Variants in GSG1L observed in about 807,000 individuals in gnomAD.
GSG1L encodes GSG1 like, also known as germ cell-specific gene 1-like protein.
In GSG1L, 24 loss-of-function variants were observed where a neutral mutation model predicts 42.1. That is an observed-to-expected ratio of 0.57 (90% confidence interval 0.41 to 0.80). The LOEUF (loss-of-function observed/expected upper bound fraction) is 0.80, where lower values mean the gene tolerates loss of function less well. Among genes scored for constraint, GSG1L ranks in the 30% least tolerant of loss-of-function variants. The pLI, the probability that GSG1L is intolerant of heterozygous loss-of-function variation, is 0.00. For synonymous variants in GSG1L, 215 were observed against 203.5 expected (o/e 1.06, Z -0.48); for missense variants, 445 against 472.2 (o/e 0.94, Z 0.53).
intron 1 of GSG1L, among the ~76,000 whole-genome samples, chr16:28,005,557 C>T (rs1453001938): frequency 6.6e-6 from 1 of 151,664 alleles, no homozygotes; most frequent in Non-Finnish European, 1.5e-5. Flanking sequence ...TCTATAAAAA[C>T]GTTCGCTCCA....
At chr16:28,010,546 G>A (rs1179729750) in intron 1 of GSG1L, among the ~76,000 whole-genome samples, 2 of 152,160 alleles carry the variant, frequency 1.3e-5, no homozygotes, top group Non-Finnish European at 1.5e-5. Context: ...GTGCCACCGT[G>A]CCAAGGCCAT....
At chr16:28,031,084 G>T (rs1249531273) in intron 1 of GSG1L, among the ~76,000 whole-genome samples, 1 of 148,574 alleles carries the variant, frequency 6.7e-6, no homozygotes, top group Non-Finnish European at 1.5e-5. Flanking sequence ...TATGGGCTGA[G>T]TTGGGATGGG....
rs867724364 is a variant in GSG1L at position 27,949,611 on chromosome 16, C to A, written c.397+13545G>T. Reference sequence around the variant, plus strand: ...CTCCAGCCTGGACGATAGAGTGAGACCCCATCTCTAAAAAATAAAAAGGAA... The same window carrying A: ...CTCCAGCCTGGACGATAGAGTGAGAACCCATCTCTAAAAAATAAAAAGGAA... On this transcript the variant is annotated intron_variant, in intron 2 of 6. Transcript: ENST00000447459. Among the ~76,000 whole-genome samples the A allele has an allele frequency of 5.3e-5, 8 of 152,084 alleles. No individual in the cohort carries two copies. The Middle Eastern group carries it at 0.017, about 323-fold the overall frequency.
chr16:28,063,290 G>A lies in GSG1L; in HGVS notation c.135C>T (p.Gly45=). Reference sequence around the variant, plus strand: ...TGGGGCAGTTGGCGCGCCCGCCCTGGCCGCAGCCCGGCTTGGGGACCCGCT... The same window carrying A: ...TGGGGCAGTTGGCGCGCCCGCCCTGACCGCAGCCCGGCTTGGGGACCCGCT... ...GTQRVPKPGC[G]QGGRANCPNS... Residue 45 remains glycine, a synonymous_variant, in exon 1 of 7, where the codon GGC becomes GGT. Coordinates refer to ENST00000447459, the MANE Select transcript of GSG1L (RefSeq NM_001109763.2). This position sits in a 1 kb window ranked among gnomAD's most constrained non-coding sequence, Gnocchi z 5.8. The A allele has an allele frequency of 7.3e-7, 1 of 1,375,576 alleles. No individual in the cohort carries two copies. Among genetic ancestry groups the A allele is most frequent in the South Asian group, 1.4e-5 (1 of 70,582 alleles). 85.2% of individuals were successfully genotyped at this position (1,375,576 alleles called of 1,614,324 possible). A position where few individuals can be genotyped will look rare whatever the true frequency, so the allele number is the denominator to read the frequency against.
At chr16:27,853,629 A>G (rs750812391) in intron 3 of GSG1L, among the ~76,000 whole-genome samples, 4 of 152,182 alleles carry the variant, frequency 2.6e-5, no homozygotes, top group Non-Finnish European at 5.9e-5. Flanking sequence ...TTAGATTACC[A>G]GAGTCATTAG....
chr16:27,986,911 C>A (rs1409310306), intron 1 of GSG1L, among the ~76,000 whole-genome samples: 1 of 152,244 alleles, frequency 6.6e-6, no homozygotes, highest in Non-Finnish European at 1.5e-5. Flanking sequence ...TAGAAGCTAA[C>A]CATCTAAAAT....
chr16:27,849,197 CAAAAAGAAAAAA>C (rs1290484491), intron 3 of GSG1L, among the ~76,000 whole-genome samples: 6 of 113,630 alleles, frequency 5.3e-5, no homozygotes, highest in Admixed American at 8.9e-5. Flanking sequence ...GCCTCTATCC[CAAAAAGAAAAAA>C]AAAAAAAAAA....
chr16:27,871,964 G>C (rs532412692), intron 3 of GSG1L, among the ~76,000 whole-genome samples: 1 of 152,310 alleles, frequency 6.6e-6, no homozygotes, highest in East Asian at 1.9e-4. Flanking sequence ...AAGCTATGCT[G>C]ATGGTTACTA....
intron 3 of GSG1L, among the ~76,000 whole-genome samples, chr16:27,878,295 G>A (rs2083911519): frequency 6.6e-6 from 1 of 152,146 alleles, no homozygotes; most frequent in African/African-American, 2.4e-5. Flanking sequence ...TGGCTTGGGA[G>A]GCCTCAGGAA....
At chr16:27,851,523 C>T (rs1193479446) in intron 3 of GSG1L, among the ~76,000 whole-genome samples, 1 of 152,110 alleles carries the variant, frequency 6.6e-6, no homozygotes, top group Non-Finnish European at 1.5e-5. Flanking sequence ...AGATTCACCC[C>T]CCTTCTCTCC....
At chr16:27,969,643 T>C (rs1466295500) in intron 1 of GSG1L, among the ~76,000 whole-genome samples, 1 of 152,238 alleles carries the variant, frequency 6.6e-6, no homozygotes, top group Non-Finnish European at 1.5e-5. Flanking sequence ...TTGAATTTGT[T>C]TCCACATTTT....
At chr16:27,974,015 C>G (rs1031351465) in intron 1 of GSG1L, among the ~76,000 whole-genome samples, 9 of 152,148 alleles carry the variant, frequency 5.9e-5, no homozygotes, top group Non-Finnish European at 1.3e-4. Context: ...TCCCATTACC[C>G]CCTCCCCATC....
intron 3 of GSG1L, among the ~76,000 whole-genome samples, chr16:27,847,297 C>T (rs1265670833): frequency 6.6e-6 from 1 of 152,152 alleles, no homozygotes; most frequent in African/African-American, 2.4e-5. Context: ...GGGTATGGTT[C>T]CTCCAGGCCC....
intron 6 of GSG1L, among the ~76,000 whole-genome samples, chr16:27,792,334 G>A (rs952830067): frequency 6.6e-6 from 1 of 152,116 alleles, no homozygotes; most frequent in African/African-American, 2.4e-5. Flanking sequence ...TCTGGGCACC[G>A]AGGCAGGGGG....
Position 27,815,857 on chromosome 16 carries a change from C to T in GSG1L, c.831-8303G>A, listed in dbSNP as rs2083088421. Among the ~76,000 whole-genome samples, 4 of 152,170 alleles carry T rather than the reference C, an allele frequency of 2.6e-5. No homozygotes were observed. The South Asian group carries it at 8.3e-4, about 32-fold the overall frequency. ...AGGTGCTAAGGCTCATGCCTGTAGT[C>T]CCAACTACTCGGGAGGCTGAGGTGG... is the stretch of plus-strand genomic sequence containing the variant. On this transcript the variant is annotated intron_variant, in intron 5 of 6. Coordinates refer to ENST00000447459, the MANE Select transcript of GSG1L (RefSeq NM_001109763.2).
chr16:27,824,947 G>A (rs1002243131), intron 5 of GSG1L, among the ~76,000 whole-genome samples: 4 of 152,216 alleles, frequency 2.6e-5, no homozygotes, highest in Non-Finnish European at 4.4e-5. Flanking sequence ...TGCCCACTTC[G>A]GGCCCTGTGC....
At chr16:27,915,196 TACACACACACACACACACACACACAC>T (rs66820312) in intron 2 of GSG1L, among the ~76,000 whole-genome samples, 1 of 121,784 alleles carries the variant, frequency 8.2e-6, no homozygotes, top group African/African-American at 3.1e-5. Context: ...CCAGAGGATG[TACACACACACACACACACACACACAC>T]ACACACACAC....
chr16:27,988,050 C>T (rs781566540), intron 1 of GSG1L, among the ~76,000 whole-genome samples: 2 of 150,012 alleles, frequency 1.3e-5, no homozygotes, highest in East Asian at 2.0e-4. Flanking sequence ...AATAAAGTAA[C>T]AGATCATCAT....
chr16:27,969,800 T>C (rs2085173349), intron 1 of GSG1L, among the ~76,000 whole-genome samples: 1 of 152,254 alleles, frequency 6.6e-6, no homozygotes, highest in East Asian at 1.9e-4. Context: ...CCAAAGCAGA[T>C]GCATCATTCT....
Sources: allele counts gnomAD v4.1 joint callset (sites outside exome capture counted in the v4.1 genomes callset), GRCh38; gene constraint gnomAD v4.1.1; non-coding constraint Gnocchi (gnomAD v3.1); transcripts MANE v1.5; gene names NCBI Gene and HGNC (gene_info 2026-07-23, HGNC 2026-07-21).